The following CTCF variants were observed in gnomAD, a reference collection of about 807,000 sequenced individuals.
CTCF encodes the protein transcriptional repressor CTCF.
In CTCF, 7 loss-of-function variants were observed where a neutral mutation model predicts 72.3. The observed-to-expected ratio is 0.10, with a 90% CI of 0.06 to 0.18. CTCF has a LOEUF of 0.18. Among genes scored for constraint, CTCF ranks in the 10% least tolerant of loss-of-function variants. The pLI is 1.00. For missense variants in CTCF, 516 were observed against 949.1 expected (o/e 0.54, Z 6.00); for synonymous variants, 374 against 315.8 (o/e 1.18, Z -1.95).
chr16:67,635,911 C>A (rs2052422509), intron 10 of CTCF, among the ~76,000 whole-genome samples: 1 of 152,078 alleles, frequency 6.6e-6, no homozygotes, highest in East Asian at 1.9e-4. Context: ...CAAGTGTGAA[C>A]CACCGTGCCC....
chr16:67,587,252 C>G (rs1391177720), intron 2 of CTCF, among the ~76,000 whole-genome samples: 1 of 151,944 alleles, frequency 6.6e-6, no homozygotes, highest in African/African-American at 2.4e-5. Flanking sequence ...GTGAGCCACC[C>G]TGCCCAGCCA....
intron 7 of CTCF, among the ~76,000 whole-genome samples, chr16:67,624,067 ATATATGTGTG>A (rs1411496889): frequency 6.0e-4 from 58 of 96,426 alleles, no homozygotes; most frequent in Admixed American, 4.3e-3. Context: ...AAAAAAAATT[ATATATGTGTG>A]TGTGTGTGTG....
At chr16:67,630,206 G>T (rs559096406) in intron 10 of CTCF, among the ~76,000 whole-genome samples, 3 of 152,262 alleles carry the variant, frequency 2.0e-5, no homozygotes, top group Admixed American at 2.0e-4. Flanking sequence ...CATTTAGGAA[G>T]CTGGTCTAGA....
At chr16:67,607,060 A>G (rs1567606693) in intron 2 of CTCF, among the ~76,000 whole-genome samples, 1 of 149,230 alleles carries the variant, frequency 6.7e-6, no homozygotes, top group Non-Finnish European at 1.5e-5. Context: ...AGGTTCAAGC[A>G]ATTCTTCTGC....
intron 2 of CTCF, among the ~76,000 whole-genome samples, chr16:67,578,685 C>T (rs937801155): frequency 5.9e-5 from 9 of 151,812 alleles, no homozygotes; most frequent in African/African-American, 1.2e-4. Flanking sequence ...TGGTGTCTCA[C>T]GCCTGTAATC....
intron 4 of CTCF, 118 bp from the exon 5 acceptor site, chr16:67,616,627 C>T (rs1363245277): frequency 1.7e-5 from 20 of 1,161,086 alleles, no homozygotes; most frequent in Non-Finnish European, 2.5e-5. Context: ...TTTCAAGCTA[C>T]TGCAGTTGAT....
intron 4 of CTCF, among the ~76,000 whole-genome samples, chr16:67,612,802 T>G (rs1231152292): frequency 1.3e-5 from 2 of 151,924 alleles, no homozygotes; most frequent in Non-Finnish European, 2.9e-5. Flanking sequence ...CCAGGTGTGG[T>G]GGCGGGTGCC....
chr16:67,568,860 C>T (rs1389688894), intron 1 of CTCF, among the ~76,000 whole-genome samples: 1 of 151,296 alleles, frequency 6.6e-6, no homozygotes, highest in Non-Finnish European at 1.5e-5. Flanking sequence ...TTTTTTGAGA[C>T]TGAGTCTTGC....
chr16:67,567,844 G>C (rs1183674963), intron 1 of CTCF: 1 of 149,548 alleles, frequency 6.7e-6, no homozygotes, highest in African/African-American at 2.5e-5. Flanking sequence ...CTCCCACCTC[G>C]GCCTCCCAAA....
rs2142828124 is a variant in CTCF at position 67,611,982 on chromosome 16, C to T, written c.813C>T (p.Cys271=). The change falls in exon 4 of 12, where the codon TGC becomes TGT. Residue 271 remains cysteine (C), a synonymous_variant. Coordinates refer to ENST00000264010, the MANE Select transcript of CTCF (RefSeq NM_006565.4). ...GVKKTFQCEL[C]SYTCPRRSNL... is the part of the protein sequence containing the mutation. Reference sequence around the variant, plus strand: ...AGAAGACATTCCAGTGTGAGCTTTGCAGTTACACGTGTCCACGGCGTTCAA... The same window carrying T: ...AGAAGACATTCCAGTGTGAGCTTTGTAGTTACACGTGTCCACGGCGTTCAA... 6.2e-7 allele frequency: 1 copy of T among 1,614,082 alleles called. No individual in the cohort carries two copies. The highest frequency in any genetic ancestry group is 1.1e-5 in the South Asian group (1 of 91,082).
chr16:67,591,950 C>T (rs778410652), intron 2 of CTCF, among the ~76,000 whole-genome samples: 20 of 152,064 alleles, frequency 1.3e-4, no homozygotes, highest in East Asian at 3.9e-4. Flanking sequence ...TGGGCTCAAA[C>T]GATTCTCTTG....
intron 2 of CTCF, among the ~76,000 whole-genome samples, chr16:67,575,854 T>A (rs1205317611): frequency 6.6e-6 from 1 of 152,080 alleles, no homozygotes; most frequent in Non-Finnish European, 1.5e-5. Flanking sequence ...TGGGTTAGAT[T>A]TATCAGAAAA....
At chr16:67,599,651 T>G (rs896829042) in intron 2 of CTCF, among the ~76,000 whole-genome samples, 1 of 151,652 alleles carries the variant, frequency 6.6e-6, no homozygotes, top group Admixed American at 6.6e-5. Flanking sequence ...ATAATAAAAT[T>G]TTTTTATCTA....
chr16:67,572,585 T>A (rs2051437417), intron 2 of CTCF: 1 of 152,064 alleles, frequency 6.6e-6, no homozygotes, highest in Admixed American at 6.6e-5. Flanking sequence ...GGTGGTGAGT[T>A]AAGTAATTTA....
At chr16:67,606,321 G>A (rs2142807461) in intron 2 of CTCF, among the ~76,000 whole-genome samples, 1 of 152,274 alleles carries the variant, frequency 6.6e-6, no homozygotes, top group South Asian at 2.1e-4. Context: ...TCCTGCTCAC[G>A]TTTCAGGGTT....
chr16:67,626,723 C>T lies in CTCF; in HGVS notation c.1518+8C>T, dbSNP rs762753941. On this transcript the variant is annotated splice_region_variant and intron_variant, in intron 8 of 11. Coordinates refer to ENST00000264010, the MANE Select transcript of CTCF (RefSeq NM_006565.4). ...GATTACGCTTGTAGACAGGTAGGAA[C>T]CTTCATTGAAAGTTGTTGGTGCTTT... The T allele has an allele frequency of 7.1e-7, 1 of 1,402,406 alleles. No homozygotes were observed. The highest frequency in any genetic ancestry group is 2.6e-5 in the East Asian group (1 of 38,602). 86.9% of individuals were successfully genotyped at this position (1,402,406 alleles called of 1,614,324 possible).
intron 4 of CTCF, chr16:67,616,104 T>C (rs903941853): frequency 3.3e-5 from 5 of 152,350 alleles, no homozygotes; most frequent in Non-Finnish European, 5.9e-5. Flanking sequence ...ATTGGATGAA[T>C]TGACATTCAG....
intron 10 of CTCF, among the ~76,000 whole-genome samples, chr16:67,629,745 C>CTTTTTTTTTTTTTTTTTTTTTTT: frequency 1.2e-5 from 1 of 85,064 alleles, no homozygotes; most frequent in African/African-American, 4.3e-5. Context: ...TCATTAATGC[C>CTTTTTTTTTTTTTTTTTTTTTTT]CTTTTTTTTT....
intron 10 of CTCF, among the ~76,000 whole-genome samples, chr16:67,635,274 C>G (rs941475736): frequency 5.9e-5 from 9 of 152,118 alleles, no homozygotes; most frequent in African/African-American, 1.9e-4. Flanking sequence ...CCCGCCTCAG[C>G]CTCCCAAAGT....
Sources: allele counts gnomAD v4.1 joint callset (sites outside exome capture counted in the v4.1 genomes callset), GRCh38; gene constraint gnomAD v4.1.1; transcripts MANE v1.5; gene names NCBI Gene and HGNC (gene_info 2026-07-23, HGNC 2026-07-21).